SDK1: variants seen among roughly 807,000 people sequenced by gnomAD.
SDK1 encodes sidekick cell adhesion molecule 1.
SDK1 carries 157 observed loss-of-function variants against 245.5 expected under a neutral mutation model. That is an observed-to-expected ratio of 0.64 (90% CI 0.56 to 0.73). The LOEUF is 0.73. SDK1 is among the 30% of genes least tolerant of loss of function. The pLI, the probability that SDK1 is intolerant of heterozygous loss-of-function variation, is 0.00. For synonymous variants in SDK1, 1,647 were observed against 1,278.5 expected, an observed-to-expected ratio of 1.29 and a Z score of -6.15; for missense variants, 3,583 against 3,002.3, an observed-to-expected ratio of 1.19 and a Z score of -4.52.
intron 4 of SDK1, among the ~76,000 whole-genome samples, chr7:3,704,363 A>AT (rs34389322): frequency 0.22 from 31,461 of 143,300 alleles, 3,701 homozygotes; most frequent in African/African-American, 0.33. Context: ...GCCAATATCG[A>AT]TTTTTTTTTT....
At chr7:4,071,690 T>A (rs1780266577) in intron 20 of SDK1, among the ~76,000 whole-genome samples, 1 of 152,198 alleles carries the variant, frequency 6.6e-6, no homozygotes, top group Non-Finnish European at 1.5e-5. Context: ...GAGGCTACCA[T>A]TCGGAAGAAG....
intron 18 of SDK1, among the ~76,000 whole-genome samples, chr7:4,050,653 G>T (rs928899504): frequency 6.6e-6 from 1 of 152,066 alleles, no homozygotes. Flanking sequence ...CTTTAAAATT[G>T]TAAGCAGTCT....
Position 4,268,986 on chromosome 7 carries a change from A to G in SDK1, c.*3602A>G, listed in dbSNP as rs1004653561. 2 of 284,490 alleles carry G rather than the reference A, an allele frequency of 7.0e-6. No homozygotes were observed. Among genetic ancestry groups the G allele is most frequent in the African/African-American group, 2.2e-5 (1 of 45,190 alleles). The allele number at this position is 284,490 out of a possible 1,614,324, so 17.6% of individuals were successfully genotyped here. On this transcript the variant is annotated 3_prime_UTR_variant, in exon 45 of 45. Transcript: ENST00000404826. ...GGGTACAATTTTTAATAAAAACATT[A>G]TTTTGTTCCTTAAACGCTTGTGATT...
chr7:3,329,787 A>G lies in SDK1; in HGVS notation c.298+27903A>G, dbSNP rs553712683. On this transcript the variant is annotated intron_variant, in intron 1 of 44. Transcript: ENST00000404826. ...TTAAAAAACTGCATCTGTACTGAAC[A>G]TATGCACACTTATTTTTGTCATTAT... 5.3e-5 allele frequency among the ~76,000 whole-genome samples: 8 copies of G among 152,380 alleles called. No individual in the cohort carries two copies. In the South Asian group the frequency reaches 1.7e-3, roughly 32 times the overall value.
chr7:4,060,769 T>C (rs562077712), intron 19 of SDK1, among the ~76,000 whole-genome samples: 1 of 152,280 alleles, frequency 6.6e-6, no homozygotes, highest in South Asian at 2.1e-4. Context: ...GTTTTTATGG[T>C]TTTAGGTCTA....
chr7:3,627,594 G>C (rs1419212453), intron 2 of SDK1, among the ~76,000 whole-genome samples: 2 of 152,222 alleles, frequency 1.3e-5, no homozygotes, highest in Admixed American at 6.5e-5. Context: ...TGAGGGCTCA[G>C]CATCAGTCTC....
At chr7:3,728,684 T>C (rs1254346164) in intron 4 of SDK1, among the ~76,000 whole-genome samples, 1 of 152,184 alleles carries the variant, frequency 6.6e-6, no homozygotes, top group Non-Finnish European at 1.5e-5. Context: ...CAGCTTACTG[T>C]ATCCTCCACC....
At chr7:3,544,417 G>A (rs1779152548) in intron 1 of SDK1, among the ~76,000 whole-genome samples, 1 of 152,264 alleles carries the variant, frequency 6.6e-6, no homozygotes, top group Non-Finnish European at 1.5e-5. Flanking sequence ...CACTGCACCA[G>A]GAGTCTGATG....
At chr7:3,743,383 T>C (rs1161369189) in intron 4 of SDK1, among the ~76,000 whole-genome samples, 1 of 152,188 alleles carries the variant, frequency 6.6e-6, no homozygotes, top group African/African-American at 2.4e-5. Context: ...CAGCCCATTC[T>C]CCTTGTCACA....
At chr7:4,237,571 A>G (rs1786249754) in intron 41 of SDK1, 76 bp from the exon 42 acceptor site, 1 of 1,563,922 alleles carries the variant, frequency 6.4e-7, no homozygotes, top group East Asian at 2.3e-5. Flanking sequence ...TTCCCTGCCA[A>G]CCACCTGACT....
At chr7:3,809,991 C>T (rs1779346933) in intron 4 of SDK1, among the ~76,000 whole-genome samples, 1 of 152,208 alleles carries the variant, frequency 6.6e-6, no homozygotes, top group Non-Finnish European at 1.5e-5. Flanking sequence ...CACAGTCCTC[C>T]CAGGAATATT....
chr7:3,589,813 G>A (rs192418040), intron 1 of SDK1, among the ~76,000 whole-genome samples: 2 of 152,316 alleles, frequency 1.3e-5, no homozygotes, highest in Admixed American at 1.3e-4. Flanking sequence ...TTCAAGATGA[G>A]ATTTGGGTGG....
intron 1 of SDK1, among the ~76,000 whole-genome samples, chr7:3,430,870 C>A (rs1779825042): frequency 6.6e-6 from 1 of 152,156 alleles, no homozygotes; most frequent in South Asian, 2.1e-4. Flanking sequence ...ATTCAGCTTT[C>A]CTGCCTCTGG....
chr7:3,777,793 A>C (rs1780609626), intron 4 of SDK1, among the ~76,000 whole-genome samples: 1 of 152,232 alleles, frequency 6.6e-6, no homozygotes, highest in Non-Finnish European at 1.5e-5. Flanking sequence ...TGTATATATT[A>C]CTTTGCAATC....
chr7:3,965,224 G>A (rs1016383796), intron 9 of SDK1, among the ~76,000 whole-genome samples: 1 of 152,120 alleles, frequency 6.6e-6, no homozygotes, highest in Non-Finnish European at 1.5e-5. Context: ...TTGGCCCCCA[G>A]GTTGTAGTTT....
intron 1 of SDK1, among the ~76,000 whole-genome samples, chr7:3,441,332 G>T (rs1295300170): frequency 1.3e-5 from 2 of 151,972 alleles, no homozygotes; most frequent in Non-Finnish European, 2.9e-5. Flanking sequence ...TGTATCTCTT[G>T]CAGATAAGGA....
chr7:4,240,520 G>C (rs952086430), intron 42 of SDK1, among the ~76,000 whole-genome samples: 1 of 152,014 alleles, frequency 6.6e-6, no homozygotes, highest in Non-Finnish European at 1.5e-5. Context: ...TTTCTGCTCT[G>C]TGTTCTTCCG....
chr7:4,236,438 G>C (rs573065920), intron 41 of SDK1, among the ~76,000 whole-genome samples: 1 of 151,912 alleles, frequency 6.6e-6, no homozygotes, highest in African/African-American at 2.4e-5. Context: ...CACATCTAAA[G>C]ACAGGGCCAG....
At chr7:3,880,477 C>T (rs1781180199) in intron 5 of SDK1, among the ~76,000 whole-genome samples, 1 of 150,872 alleles carries the variant, frequency 6.6e-6, no homozygotes, top group South Asian at 2.1e-4. Context: ...CTCTGGAGGG[C>T]TGCCAAGATC....
Sources: allele counts gnomAD v4.1 joint callset (sites outside exome capture counted in the v4.1 genomes callset), GRCh38; gene constraint gnomAD v4.1.1; transcripts MANE v1.5; gene names NCBI Gene and HGNC (gene_info 2026-07-23, HGNC 2026-07-21).